CBL: variants seen among roughly 807,000 people sequenced by gnomAD.
CBL encodes E3 ubiquitin-protein ligase CBL.
A neutral mutation model predicts 96.9 loss-of-function variants in CBL; 45 were observed. That is an observed-to-expected ratio of 0.46 (90% CI 0.37 to 0.60). The LOEUF (loss-of-function observed/expected upper bound fraction) is 0.60, where lower values mean the gene tolerates loss of function less well. Among genes scored for constraint, CBL ranks in the 20% least tolerant of loss-of-function variants. CBL has a pLI of 0.00. For missense variants in CBL, 1,024 were observed against 1,143.5 expected (o/e 0.90, Z 1.51); for synonymous variants, 420 against 426.8 (o/e 0.98, Z 0.20).
rs1460460945 is a variant in CBL at position 119,285,460 on chromosome 11, G to A, written c.1835G>A (p.Arg612Lys). Residue 612 changes from arginine (R) to lysine (K), a missense_variant, in exon 11 of 16, where the codon AGA becomes AAA. Arg to Lys is a conservative substitution (Grantham distance 26). This residue lies in a region of CBL where 695 missense variants were observed against 661.6 expected (regional missense o/e 1.05). Transcript: ENST00000264033. The part of the protein sequence containing the change: ...APSSSDPWTG[R>K]ELTNRHSLPF... Reference sequence around the variant, plus strand: ...AGTTCCAGTGATCCCTGGACAGGAAGAGAATTAACCAACCGGCACTCACTT... The same window carrying A: ...AGTTCCAGTGATCCCTGGACAGGAAAAGAATTAACCAACCGGCACTCACTT... 2 of 1,614,224 alleles carry A rather than the reference G, an allele frequency of 1.2e-6. No homozygotes were observed. The highest frequency in any genetic ancestry group is 2.2e-5 in the East Asian group (1 of 44,888).
intron 9 of CBL, among the ~76,000 whole-genome samples, chr11:119,282,938 CAAAA>C (rs570948505): frequency 7.3e-6 from 1 of 137,780 alleles, no homozygotes; most frequent in Non-Finnish European, 1.6e-5. Context: ...CCCCGCGCCC[CAAAA>C]AAAAAAAAGC....
chr11:119,264,393 C>CTTCTCTTCTCTTCTCTTCTCTT (rs1949780802), intron 2 of CBL, among the ~76,000 whole-genome samples: 1 of 55,622 alleles, frequency 1.8e-5, no homozygotes, highest in African/African-American at 6.8e-5. Flanking sequence ...TTTCTTTTCT[C>CTTCTCTTCTCTTCTCTTCTCTT]TTCTCTTCTC....
chr11:119,232,353 A>G (rs1349584353), intron 1 of CBL, 95 bp from the exon 2 acceptor site: 2 of 1,372,416 alleles, frequency 1.5e-6, no homozygotes, highest in Non-Finnish European at 2.0e-6. Context: ...CATATTTTGC[A>G]AAAGAGCACA....
rs587778159 is a variant in CBL at position 119,299,590 on chromosome 11, A to G, written c.2530A>G (p.Ser844Gly). 1 of 1,614,194 alleles carries G rather than the reference A, an allele frequency of 6.2e-7. No homozygotes were observed. The highest frequency in any genetic ancestry group is 8.5e-7 in the Non-Finnish European group (1 of 1,180,020). The change falls in exon 16 of 16, where the codon AGT becomes GGT. Residue 844 changes from serine (S) to glycine (G), a missense_variant. Coordinates refer to ENST00000264033, the MANE Select transcript of CBL (RefSeq NM_005188.4). ...ERKAGSCQQGSGPAASAATAS... is the reference protein window; with the variant it reads ...ERKAGSCQQGGGPAASAATAS... ...GAAAGCTGGCAGCTGTCAGCAAGGTAGTGGTCCTGCCGCCTCTGCTGCCAC... is the reference window on the plus strand; with the variant it reads ...GAAAGCTGGCAGCTGTCAGCAAGGTGGTGGTCCTGCCGCCTCTGCTGCCAC...
chr11:119,245,859 G>T (rs371641120), intron 2 of CBL, among the ~76,000 whole-genome samples: 7 of 150,820 alleles, frequency 4.6e-5, no homozygotes, highest in African/African-American at 1.7e-4. Flanking sequence ...TCACTATGTT[G>T]CCCGGGCTGG....
chr11:119,256,615 T>C (rs1247857659), intron 2 of CBL, among the ~76,000 whole-genome samples: 5 of 152,096 alleles, frequency 3.3e-5, no homozygotes, highest in African/African-American at 1.2e-4. Context: ...ATGAATGAAT[T>C]ATATAGTGAA....
At chr11:119,249,473 T>C (rs1162826038) in intron 2 of CBL, among the ~76,000 whole-genome samples, 1 of 149,638 alleles carries the variant, frequency 6.7e-6, no homozygotes, top group Non-Finnish European at 1.5e-5. Context: ...GAGAACCGCT[T>C]GAACCCAGGA....
intron 2 of CBL, among the ~76,000 whole-genome samples, chr11:119,241,359 T>A (rs757390247): frequency 6.6e-6 from 1 of 152,208 alleles, no homozygotes. Flanking sequence ...AAAACTTGAT[T>A]GTATTCATTG....
chr11:119,273,734 C>G (rs1346271856), intron 3 of CBL, 134 bp from the exon 4 acceptor site: 2 of 789,910 alleles, frequency 2.5e-6, no homozygotes, highest in Non-Finnish European at 4.2e-6. Context: ...AGAAGTTGAC[C>G]TGTATTTTGA....
chr11:119,275,861 T>TA, intron 5 of CBL, 136 bp from the exon 6 acceptor site: 1 of 931,522 alleles, frequency 1.1e-6, no homozygotes, highest in South Asian at 1.4e-5. Context: ...GACTCCATCT[T>TA]AAAAAAAGAA....
intron 7 of CBL, 73 bp downstream of exon 7, chr11:119,277,917 A>G (rs1055476814): frequency 2.3e-5 from 25 of 1,108,952 alleles, no homozygotes; most frequent in Middle Eastern, 1.9e-4. Context: ...AACTGACAGC[A>G]TAATTGAATT....
intron 12 of CBL, among the ~76,000 whole-genome samples, chr11:119,295,496 A>G (rs1050693052): frequency 1.3e-5 from 2 of 152,008 alleles, no homozygotes; most frequent in African/African-American, 4.8e-5. Context: ...CTGGGGCGGG[A>G]GGATCACTTG....
chr11:119,264,465 T>TCTTCTCTTCTCTTCTTTCTCTTCTCTTC (rs1949784471), intron 2 of CBL, among the ~76,000 whole-genome samples: 2 of 112,594 alleles, frequency 1.8e-5, no homozygotes, highest in Non-Finnish European at 3.9e-5. Flanking sequence ...CTCTTCTCTT[T>TCTTCTCTTCTCTTCTTTCTCTTCTCTTC]TCTTCTTTTC....
At chr11:119,222,919 A>G (rs1565857067) in intron 1 of CBL, among the ~76,000 whole-genome samples, 1 of 152,132 alleles carries the variant, frequency 6.6e-6, no homozygotes, top group Admixed American at 6.6e-5. Flanking sequence ...TTGCCTGTAT[A>G]TAATCCCAGC....
At chr11:119,287,392 T>A (rs1338409567) in intron 11 of CBL, among the ~76,000 whole-genome samples, 2 of 152,132 alleles carry the variant, frequency 1.3e-5, no homozygotes, top group Non-Finnish European at 2.9e-5. Context: ...AGAGTGAAGT[T>A]GAGAAGTGTT....
chr11:119,272,980 ATT>A (rs761248677), intron 3 of CBL, among the ~76,000 whole-genome samples: 9 of 126,040 alleles, frequency 7.1e-5, no homozygotes, highest in Admixed American at 1.6e-4. Flanking sequence ...TTGTCGTTTT[ATT>A]TTTTTTTTTT....
chr11:119,274,172 A>G, intron 4 of CBL, 148 bp downstream of exon 4: 1 of 680,604 alleles, frequency 1.5e-6, no homozygotes, highest in Non-Finnish European at 2.5e-6. Context: ...AAAAAAGATT[A>G]AAACTATCTC....
intron 2 of CBL, among the ~76,000 whole-genome samples, chr11:119,250,844 A>G (rs1949665124): frequency 6.6e-6 from 1 of 152,096 alleles, no homozygotes; most frequent in African/African-American, 2.4e-5. Context: ...CCAGCTACTC[A>G]AGGGGCTGAG....
Position 119,277,780 on chromosome 11 carries a change from A to G in CBL, c.1031A>G (p.Asn344Ser), listed in dbSNP as rs370489946. ...AGCTATTTGTTTCCTGATGGACGAA[A>G]TCAGAATCCTGATCTGACTGGCTTA... ...EGFYLFPDGR[N>S]QNPDLTGLCE... is the part of the protein sequence containing the mutation. Residue 344 changes from asparagine (N) to serine (S), a missense_variant, in exon 7 of 16, where the codon AAT becomes AGT. Around this residue, in one of 4 missense-constraint regions of CBL, gnomAD observed 192 missense variants for 321.8 expected, o/e 0.60. Coordinates refer to ENST00000264033, the MANE Select transcript of CBL (RefSeq NM_005188.4). 1.9e-6 allele frequency: 3 copies of G among 1,613,830 alleles called. No individual in the cohort carries two copies. Among genetic ancestry groups the G allele is most frequent in the African/African-American group, 2.7e-5 (2 of 74,932 alleles).
Sources: allele counts gnomAD v4.1 joint callset (sites outside exome capture counted in the v4.1 genomes callset), GRCh38; gene constraint gnomAD v4.1.1; regional missense constraint gnomAD v4.1.1; transcripts MANE v1.5; gene names NCBI Gene and HGNC (gene_info 2026-07-23, HGNC 2026-07-21).